Variants in CNTN1 observed in about 807,000 individuals in gnomAD.
CNTN1 encodes contactin-1.
Under a neutral mutation model 126.4 loss-of-function variants are expected in CNTN1, and 38 were observed. That is an observed-to-expected ratio of 0.30 (90% confidence interval 0.23 to 0.39). The LOEUF (loss-of-function observed/expected upper bound fraction) is 0.39. Ranked by LOEUF, CNTN1 falls within the 10% of genes least tolerant of loss-of-function variation. CNTN1 has a pLI of 1.00. For synonymous variants in CNTN1, 413 were observed against 422.6 expected (o/e 0.98, Z 0.28); for missense variants, 1,009 against 1,248.4 (o/e 0.81, Z 2.89).
At chr12:40,732,611 A>C (rs1942528616) in intron 1 of CNTN1, among the ~76,000 whole-genome samples, 2 of 152,062 alleles carry the variant, frequency 1.3e-5, no homozygotes, top group South Asian at 4.1e-4. Flanking sequence ...GATGGTCTTT[A>C]ATGTCATGCA....
chr12:41,052,753 A>C (rs1949716160), intron 23 of CNTN1, among the ~76,000 whole-genome samples: 1 of 152,128 alleles, frequency 6.6e-6, no homozygotes, highest in Admixed American at 6.5e-5. Flanking sequence ...GTTGGATTAC[A>C]ATATCTGGAA....
intron 14 of CNTN1, among the ~76,000 whole-genome samples, chr12:40,953,884 TAAGA>T (rs539835806): frequency 4.1e-4 from 62 of 152,182 alleles, no homozygotes; most frequent in Middle Eastern, 3.4e-3. Flanking sequence ...GCAATTTCAT[TAAGA>T]AAGAAAGAAG....
chr12:41,013,438 AC>A, intron 17 of CNTN1, among the ~76,000 whole-genome samples: 1 of 151,678 alleles, frequency 6.6e-6, no homozygotes, highest in Non-Finnish European at 1.5e-5. Context: ...CTTACCAAGG[AC>A]TCCCATACCC....
intron 1 of CNTN1, among the ~76,000 whole-genome samples, chr12:40,706,447 C>G (rs1456565628): frequency 1.3e-5 from 2 of 152,098 alleles, no homozygotes; most frequent in African/African-American, 2.4e-5. Context: ...GTATAAACTT[C>G]TCACATAGCC....
At chr12:40,846,634 T>A (rs1191273612) in intron 1 of CNTN1, among the ~76,000 whole-genome samples, 1 of 151,054 alleles carries the variant, frequency 6.6e-6, no homozygotes, top group Non-Finnish European at 1.5e-5. Flanking sequence ...TTTGGGAGAG[T>A]TTCAATCAGA....
chr12:40,734,773 A>T (rs1011842737), intron 1 of CNTN1, among the ~76,000 whole-genome samples: 1 of 152,160 alleles, frequency 6.6e-6, no homozygotes, highest in Non-Finnish European at 1.5e-5. Context: ...AAGCATGCTA[A>T]GAAAAATACA....
At chr12:41,053,999 A>G (rs1949746913) in intron 23 of CNTN1, among the ~76,000 whole-genome samples, 1 of 151,802 alleles carries the variant, frequency 6.6e-6, no homozygotes, top group Non-Finnish European at 1.5e-5. Flanking sequence ...TATAAGCCAG[A>G]TAAAATAAAT....
At chr12:40,910,861 A>G (rs7301266) in intron 3 of CNTN1, among the ~76,000 whole-genome samples, 26,990 of 144,714 alleles carry the variant, frequency 0.19, 3,989 homozygotes, top group African/African-American at 0.41. Flanking sequence ...AAGCCATTGC[A>G]TGATGGTAGG....
At chr12:40,734,932 G>A (rs898835342) in intron 1 of CNTN1, among the ~76,000 whole-genome samples, 1 of 152,016 alleles carries the variant, frequency 6.6e-6, no homozygotes, top group Non-Finnish European at 1.5e-5. Flanking sequence ...TAAAGTTAGA[G>A]CAAAGTCATT....
chr12:40,966,740 C>T lies in CNTN1; in HGVS notation c.1804+7506C>T, dbSNP rs151334820. Among the ~76,000 whole-genome samples, 371 of 152,224 alleles carry T rather than the reference C, an allele frequency of 2.4e-3. 1 individual carries two copies. Among genetic ancestry groups the T allele is most frequent in the African/African-American group, 8.6e-3 (358 of 41,544 alleles). On this transcript the variant is annotated intron_variant, in intron 15 of 23. Transcript: ENST00000551295. ...ATATGGCCACAAAATAGGTAATTCA[C>T]TCAGAATGATTCACATTATTTTAAA...
At chr12:41,050,441 A>G (rs1269855100) in intron 23 of CNTN1, among the ~76,000 whole-genome samples, 1 of 152,134 alleles carries the variant, frequency 6.6e-6, no homozygotes, top group African/African-American at 2.4e-5. Flanking sequence ...AGTGGCAAGA[A>G]AGAGAGAAGG....
At chr12:40,961,270 A>C in intron 15 of CNTN1, among the ~76,000 whole-genome samples, 1 of 152,046 alleles carries the variant, frequency 6.6e-6, no homozygotes, top group East Asian at 1.9e-4. Flanking sequence ...CTTTATTTCT[A>C]ATAATAGAAA....
chr12:41,041,269 T>C lies in CNTN1; in HGVS notation c.2980+12050T>C, dbSNP rs551171449. 2.0e-5 allele frequency among the ~76,000 whole-genome samples: 3 copies of C among 152,274 alleles called. No homozygotes were observed. The East Asian group carries it at 5.8e-4, about 29-fold the overall frequency. On this transcript the variant is annotated intron_variant, in intron 23 of 23. Transcript: ENST00000551295. ...CTTGCATCCCAGGGATGAAGCCCAC[T>C]TGATCATGGTGGATAAGCTTTTTGA...
intron 14 of CNTN1, among the ~76,000 whole-genome samples, chr12:40,958,256 A>C (rs989303326): frequency 6.6e-6 from 1 of 151,772 alleles, no homozygotes. Context: ...GACCTATCTC[A>C]TAGGGCAGTT....
At position 41,016,760 on chromosome 12, in the gene CNTN1, A is replaced by G; in HGVS notation, c.2263A>G (p.Lys755Glu). ...AFKPFDGEEW[K>E]KVTVTNPDTG... ...TAAGCCATTTGATGGAGAAGAATGGAAAAAAGTCACAGTTACTAATCCTGA... is the reference window on the plus strand; with the variant it reads ...TAAGCCATTTGATGGAGAAGAATGGGAAAAAGTCACAGTTACTAATCCTGA... The change falls in exon 19 of 24, where the codon AAA becomes GAA. Residue 755 changes from lysine (K) to glutamate (E), a missense_variant. By Grantham distance (56) the Lys-to-Glu change is moderately conservative. Transcript: ENST00000551295. 1 of 1,614,126 alleles carries G rather than the reference A, an allele frequency of 6.2e-7. No homozygotes were observed. The highest frequency in any genetic ancestry group is 1.1e-5 in the South Asian group (1 of 91,084).
At chr12:40,910,187 T>A in intron 3 of CNTN1, 82 bp downstream of exon 3, 1 of 1,138,550 alleles carries the variant, frequency 8.8e-7, no homozygotes, top group Non-Finnish European at 1.3e-6. Context: ...CTATTAACTC[T>A]CTAAACTTTA....
At chr12:40,842,740 T>C (rs1942334067) in intron 1 of CNTN1, among the ~76,000 whole-genome samples, 1 of 152,026 alleles carries the variant, frequency 6.6e-6, no homozygotes, top group Non-Finnish European at 1.5e-5. Context: ...TTGAACATAG[T>C]AGATGTTCAA....
intron 1 of CNTN1, among the ~76,000 whole-genome samples, chr12:40,859,269 G>A (rs1467702799): frequency 1.3e-5 from 2 of 152,022 alleles, no homozygotes; most frequent in Non-Finnish European, 2.9e-5. Flanking sequence ...TCCAGAAGGC[G>A]AGAACAGAAT....
chr12:40,934,714 C>T (rs1416680870), intron 9 of CNTN1, among the ~76,000 whole-genome samples: 1 of 152,012 alleles, frequency 6.6e-6, no homozygotes, highest in Non-Finnish European at 1.5e-5. Context: ...TTCACGCATT[C>T]TCTCTAAAAG....
Sources: allele counts gnomAD v4.1 joint callset (sites outside exome capture counted in the v4.1 genomes callset), GRCh38; gene constraint gnomAD v4.1.1; transcripts MANE v1.5; gene names NCBI Gene and HGNC (gene_info 2026-07-23, HGNC 2026-07-21).